C19orf12: variants seen among roughly 807,000 people sequenced by gnomAD.
The protein encoded by C19orf12 is chromosome 19 open reading frame 12, also known as protein C19orf12.
A neutral mutation model predicts 3.8 loss-of-function variants in C19orf12; 2 were observed. The ratio of observed to expected loss-of-function variants is 0.53; its 90% CI spans 0.22 to 1.66. The LOEUF (loss-of-function observed/expected upper bound fraction) is 1.66. Ranked by LOEUF, C19orf12 falls within the 40% of genes most tolerant of loss-of-function variation. The probability of loss-of-function intolerance (pLI) is 0.20; values close to 1 mark genes in which losing one functional copy is unlikely to be tolerated. For missense variants in C19orf12, 156 were observed against 188.8 expected, an observed-to-expected ratio of 0.83 and a Z score of 1.02; for synonymous variants, 89 against 84.6, an observed-to-expected ratio of 1.05 and a Z score of -0.28.
chr19:29,715,062 C>T (rs1292440207), intron 1 of C19orf12, 63 bp downstream of exon 1: 19 of 639,170 alleles, frequency 3.0e-5, no homozygotes, highest in South Asian at 2.8e-4. Context: ...TCTTGGGGTG[C>T]CCCCTCCTCT....
At chr19:29,703,033 C>G (rs187707792) in intron 2 of C19orf12, 56 bp from the exon 3 acceptor site, 1 of 1,609,982 alleles carries the variant, frequency 6.2e-7, no homozygotes, top group East Asian at 2.2e-5. Context: ...GATGGCCTTA[C>G]TTAAGTTCCC....
rs764308816 is a variant in C19orf12 at position 29,700,451 on chromosome 19, A to G, written c.*2261T>C. The G allele has an allele frequency of 6.6e-6, 3 of 454,104 alleles. No individual in the cohort carries two copies. The highest frequency in any genetic ancestry group is 4.7e-5 in the South Asian group (3 of 64,480). The allele number at this position is 454,104 out of a possible 1,614,324, so 28.1% of individuals were successfully genotyped here. A position where few individuals can be genotyped will look rare whatever the true frequency, so the allele number is the denominator to read the frequency against. Reference sequence around the variant, plus strand: ...GGCAACTTTAGAGCCCACTAAAGCTATACAAAATTGGGAGGGGGCATGCTC... The same window carrying G: ...GGCAACTTTAGAGCCCACTAAAGCTGTACAAAATTGGGAGGGGGCATGCTC... On this transcript the variant is annotated 3_prime_UTR_variant, in exon 3 of 3. Coordinates refer to ENST00000323670, the MANE Select transcript of C19orf12 (RefSeq NM_031448.6).
At chr19:29,709,386 T>C (rs1396153402) in intron 1 of C19orf12, among the ~76,000 whole-genome samples, 1 of 152,176 alleles carries the variant, frequency 6.6e-6, no homozygotes, top group Non-Finnish European at 1.5e-5. Flanking sequence ...GGGGGTCTCC[T>C]CAGAGCTCTG....
At chr19:29,710,218 T>C (rs978938175) in intron 1 of C19orf12, among the ~76,000 whole-genome samples, 7 of 152,176 alleles carry the variant, frequency 4.6e-5, no homozygotes, top group African/African-American at 7.2e-5. Flanking sequence ...AAGTCCCTAC[T>C]GTAAAATTGC....
intron 1 of C19orf12, among the ~76,000 whole-genome samples, chr19:29,710,896 A>G (rs1201390416): frequency 6.6e-6 from 1 of 152,226 alleles, no homozygotes; most frequent in Non-Finnish European, 1.5e-5. Flanking sequence ...GCATTATAAC[A>G]GTGTCAGGAC....
intron 2 of C19orf12, among the ~76,000 whole-genome samples, chr19:29,707,881 T>A (rs544737220): frequency 4.0e-5 from 6 of 151,596 alleles, no homozygotes; most frequent in Admixed American, 3.3e-4. Flanking sequence ...CTTTTTTTTT[T>A]TTTTCTTTGA....
At chr19:29,704,904 T>C (rs2145629481) in intron 2 of C19orf12, among the ~76,000 whole-genome samples, 1 of 152,326 alleles carries the variant, frequency 6.6e-6, no homozygotes, top group African/African-American at 2.4e-5. Flanking sequence ...CAGTGGCTAC[T>C]TCACGCCAGT....
intron 2 of C19orf12, 103 bp downstream of exon 2, chr19:29,708,151 T>C: frequency 6.5e-7 from 1 of 1,530,466 alleles, no homozygotes; most frequent in Non-Finnish European, 8.9e-7. Flanking sequence ...AGTGCTGGGA[T>C]TACAGGCATG....
chr19:29,700,595 C>T lies in C19orf12; in HGVS notation c.*2117G>A, dbSNP rs184117483. On this transcript the variant is annotated 3_prime_UTR_variant, in exon 3 of 3. Transcript: ENST00000323670. The stretch of plus-strand genomic sequence containing the variant: ...TTTCACAGACAGACAACCCCTCCTT[C>T]CCACCCCTGCCCTGTCCCCCATCAA... 526 of 454,186 alleles carry T rather than the reference C, an allele frequency of 1.2e-3. 5 individuals are homozygous for T. The highest frequency in any genetic ancestry group is 9.0e-3 in the African/African-American group (449 of 50,132). The allele number at this position is 454,186 out of a possible 1,614,324, so 28.1% of individuals were successfully genotyped here.
chr19:29,704,952 AAAACATCTCACGATTTTT>A (rs1474687100), intron 2 of C19orf12, among the ~76,000 whole-genome samples: 2 of 152,238 alleles, frequency 1.3e-5, no homozygotes. Flanking sequence ...TTGTAGCTTT[AAAACATCTCACGATTTTT>A]AAATATCACC....
chr19:29,705,239 G>A, intron 2 of C19orf12: 2 of 405,858 alleles, frequency 4.9e-6, no homozygotes, highest in South Asian at 1.8e-5. Flanking sequence ...AAACACAACT[G>A]GCAAATTCAA....
chr19:29,714,548 A>T (rs1384104211), intron 1 of C19orf12, among the ~76,000 whole-genome samples: 11 of 152,136 alleles, frequency 7.2e-5, no homozygotes. Context: ...CTCCTAAAGC[A>T]TTAACGACCC....
At chr19:29,711,040 T>G (rs1182261221) in intron 1 of C19orf12, among the ~76,000 whole-genome samples, 5 of 141,810 alleles carry the variant, frequency 3.5e-5, no homozygotes, top group Non-Finnish European at 7.6e-5. Flanking sequence ...AGAGAGGTTT[T>G]TTTTTTTTTT....
intron 2 of C19orf12, among the ~76,000 whole-genome samples, chr19:29,707,338 C>T (rs1972427825): frequency 1.3e-5 from 2 of 152,142 alleles, no homozygotes; most frequent in East Asian, 1.9e-4. Flanking sequence ...GTGTGGGCGA[C>T]AGAATGAGAC....
At chr19:29,714,815 A>ACCCCCCC in intron 1 of C19orf12, 2 of 146,400 alleles carry the variant, frequency 1.4e-5, no homozygotes, top group South Asian at 1.5e-4. Context: ...CACCACCCGC[A>ACCCCCCC]CCCCACCCCC....
chr19:29,699,543 T>C lies in C19orf12; in HGVS notation c.*3169A>G, dbSNP rs931785266. 2.4e-5 allele frequency: 11 copies of C among 453,406 alleles called. No homozygotes were observed. The highest frequency in any genetic ancestry group is 2.2e-4 in the African/African-American group (11 of 49,908). 28.1% of individuals were successfully genotyped at this position (453,406 alleles called of 1,614,324 possible). Reference sequence around the variant, plus strand: ...GTGTACCTACATAGCATTAAAACAATTGCAGGAAAGACACCAAATCTGTTA... The same window carrying C: ...GTGTACCTACATAGCATTAAAACAACTGCAGGAAAGACACCAAATCTGTTA... On this transcript the variant is annotated 3_prime_UTR_variant, in exon 3 of 3. Transcript: ENST00000323670.
chr19:29,709,612 C>T (rs1321551134), intron 1 of C19orf12, among the ~76,000 whole-genome samples: 1 of 151,452 alleles, frequency 6.6e-6, no homozygotes, highest in East Asian at 1.9e-4. Context: ...TCACTGCAGC[C>T]TTGACCTCCT....
In C19orf12 at chr19:29,702,462, A is replaced by G. The variant is rs947363484; in HGVS notation, c.*250T>C. 1.5e-6 allele frequency: 1 copy of G among 686,364 alleles called. No homozygotes were observed. The highest frequency in any genetic ancestry group is 1.8e-5 in the African/African-American group (1 of 57,018). 42.5% of individuals were successfully genotyped at this position (686,364 alleles called of 1,614,324 possible). A position where few individuals can be genotyped will look rare whatever the true frequency, so the allele number is the denominator to read the frequency against. On this transcript the variant is annotated 3_prime_UTR_variant, in exon 3 of 3. Transcript: ENST00000323670. ...TGCGGCAGGCAGGCCTTTACTCTTCACTGGGGGGCCAGTCAGAGGGCTGTC... is the reference window on the plus strand; with the variant it reads ...TGCGGCAGGCAGGCCTTTACTCTTCGCTGGGGGGCCAGTCAGAGGGCTGTC...
chr19:29,713,980 C>CTCTT (rs1296374971), intron 1 of C19orf12, among the ~76,000 whole-genome samples: 6 of 151,106 alleles, frequency 4.0e-5, no homozygotes, highest in African/African-American at 1.5e-4. Flanking sequence ...CCTTCCTTTT[C>CTCTT]TCTTTCTCTT....
Sources: allele counts gnomAD v4.1 joint callset (sites outside exome capture counted in the v4.1 genomes callset), GRCh38; gene constraint gnomAD v4.1.1; transcripts MANE v1.5; gene names NCBI Gene and HGNC (gene_info 2026-07-23, HGNC 2026-07-21).